Variants in NPIPB7 observed in about 807,000 individuals in gnomAD.
The protein encoded by NPIPB7 is nuclear pore complex-interacting protein family member B7.
For synonymous variants in NPIPB7, 9 were observed against 88.1 expected, an observed-to-expected ratio of 0.10 and a Z score of 5.03; for missense variants, 14 against 238.5, an observed-to-expected ratio of 0.06 and a Z score of 6.20.
At chr16:28,463,648 C>G (rs557173370) in intron 2 of NPIPB7, among the ~76,000 whole-genome samples, 1 of 120,532 alleles carries the variant, frequency 8.3e-6, no homozygotes, top group South Asian at 2.5e-4. Context: ...ATCACTTGAA[C>G]CCAGCAAGAA....
At chr16:28,468,801 T>C (rs2045921351) in intron 1 of NPIPB7, among the ~76,000 whole-genome samples, 2 of 78,082 alleles carry the variant, frequency 2.6e-5, no homozygotes, top group Admixed American at 1.6e-4. Context: ...AGTGAGACTC[T>C]GTCTCAAAAA....
At chr16:28,471,766 T>C (rs796804344), upstream of NPIPB7, among the ~76,000 whole-genome samples, 4 of 145,808 alleles carry the variant, frequency 2.7e-5, no homozygotes, top group East Asian at 2.0e-4. Context: ...CGAGTGATGA[T>C]GTCCTTATCT....
rs1467455241 is a variant in NPIPB7, at chr16:28,457,503, G to A, written c.643-477C>T. 2.4e-5 allele frequency among the ~76,000 whole-genome samples: 3 copies of A among 127,520 alleles called. No homozygotes were observed. In the Middle Eastern group the frequency reaches 0.012, roughly 498 times the overall value. 83.7% of individuals were successfully genotyped at this position (127,520 alleles called of 152,430 possible). A position where few individuals can be genotyped will look rare whatever the true frequency, so the allele number is the denominator to read the frequency against. Reference sequence around the variant, plus strand: ...CTTCTTTTTGGAGAATGTTTTCCAGGCCTTTCATGTTCTGTCTCTGACTCT... The same window carrying A: ...CTTCTTTTTGGAGAATGTTTTCCAGACCTTTCATGTTCTGTCTCTGACTCT... On this transcript the variant is annotated intron_variant, in intron 6 of 6. Transcript: ENST00000452313.
intron 4 of NPIPB7, among the ~76,000 whole-genome samples, chr16:28,462,205 A>C (rs2045875785): frequency 6.7e-6 from 1 of 149,860 alleles, no homozygotes; most frequent in African/African-American, 2.5e-5. Context: ...GGATTACCTG[A>C]GGTCAGAAGT....
upstream of NPIPB7, among the ~76,000 whole-genome samples, chr16:28,470,858 C>G (rs879596536): frequency 1.6e-5 from 2 of 121,414 alleles, no homozygotes; most frequent in Non-Finnish European, 3.5e-5. Context: ...GGCTTAGGAG[C>G]AATTAGAGGG....
chr16:28,469,321 G>GGGCACGGT (rs2045925267), intron 1 of NPIPB7, among the ~76,000 whole-genome samples: 1 of 91,076 alleles, frequency 1.1e-5, no homozygotes, highest in Non-Finnish European at 2.7e-5. Flanking sequence ...GATCTTGGCT[G>GGGCACGGT]GGCACGGTGG....
intron 4 of NPIPB7, among the ~76,000 whole-genome samples, chr16:28,462,222 C>A (rs1356666631): frequency 1.3e-5 from 2 of 148,878 alleles, no homozygotes; most frequent in African/African-American, 2.5e-5. Flanking sequence ...AAGTTCGAGA[C>A]CAGCCTGGAC....
At chr16:28,463,555 T>C (rs1302670577) in intron 2 of NPIPB7, among the ~76,000 whole-genome samples, 1 of 141,800 alleles carries the variant, frequency 7.1e-6, no homozygotes, top group Admixed American at 7.2e-5. Flanking sequence ...GGAGAAACGC[T>C]GTCTCTGCTA....
intron 2 of NPIPB7, among the ~76,000 whole-genome samples, chr16:28,464,426 G>C (rs1179320866): frequency 6.6e-6 from 1 of 152,200 alleles, no homozygotes; most frequent in Non-Finnish European, 1.5e-5. Flanking sequence ...TCTCATCATA[G>C]CGAAAATGCA....
chr16:28,465,570 T>C (rs1596612483), intron 2 of NPIPB7, among the ~76,000 whole-genome samples: 1 of 141,808 alleles, frequency 7.1e-6, no homozygotes, highest in East Asian at 2.1e-4. Context: ...GCATAGAGAA[T>C]GTTAAATGTG....
intron 2 of NPIPB7, among the ~76,000 whole-genome samples, chr16:28,463,389 T>TCACACA (rs57853696): frequency 0.048 from 2,202 of 45,560 alleles, 19 homozygotes; most frequent in Middle Eastern, 0.071. Context: ...AGACTCTGTC[T>TCACACA]CACACACACA....
At chr16:28,471,783 AT>A (rs1214035517), upstream of NPIPB7, among the ~76,000 whole-genome samples, 1 of 148,386 alleles carries the variant, frequency 6.7e-6, no homozygotes, top group Non-Finnish European at 1.5e-5. Flanking sequence ...ATCTATAATC[AT>A]CTTACTGCCT....
chr16:28,461,962 A>T (rs1403229707), intron 4 of NPIPB7, among the ~76,000 whole-genome samples: 1,584 of 143,588 alleles, frequency 0.011, no homozygotes, highest in African/African-American at 0.043. Flanking sequence ...AAAAAAAAAA[A>T]AAAAAAAATT....
chr16:28,468,488 A>G (rs2045918856), intron 1 of NPIPB7, among the ~76,000 whole-genome samples: 1 of 149,840 alleles, frequency 6.7e-6, no homozygotes, highest in South Asian at 2.1e-4. Context: ...TCATTCACAA[A>G]TAAGTATCAA....
Position 28,462,158 on chromosome 16 carries a change from G to A in NPIPB7, c.545+516C>T, listed in dbSNP as rs1472049471. On this transcript the variant is annotated intron_variant, in intron 4 of 6. Coordinates refer to ENST00000452313, the Ensembl canonical transcript of NPIPB7. ...AAAAAGGCTGGGTGTGGTGGCTCAC[G>A]CCTCTAATCCCAGCACTTTGGGAGG... 4.7e-3 allele frequency among the ~76,000 whole-genome samples: 695 copies of A among 149,236 alleles called. 19 individuals are homozygous for A. Among genetic ancestry groups the A allele is most frequent in the African/African-American group, 0.014 (559 of 39,388 alleles).
intron 2 of NPIPB7, among the ~76,000 whole-genome samples, chr16:28,463,908 G>A (rs1460650495): frequency 6.2e-5 from 4 of 64,458 alleles, no homozygotes; most frequent in Admixed American, 2.3e-4. Flanking sequence ...GGTGATGCAC[G>A]CCTGTAGTCC....
intron 1 of NPIPB7, among the ~76,000 whole-genome samples, chr16:28,468,962 A>G (rs1486181872): frequency 4.6e-4 from 56 of 120,736 alleles, no homozygotes; most frequent in Middle Eastern, 3.6e-3. Flanking sequence ...ACAGCTTGTG[A>G]TAACATTTCT....
chr16:28,472,275 G>T (rs1049310459), upstream of NPIPB7, among the ~76,000 whole-genome samples: 3 of 152,058 alleles, frequency 2.0e-5, no homozygotes, highest in Non-Finnish European at 4.4e-5. Context: ...AAGGTAGCTG[G>T]GTGTGGTGGC....
intron 2 of NPIPB7, among the ~76,000 whole-genome samples, chr16:28,463,762 T>C (rs1301232376): frequency 3.9e-5 from 5 of 127,374 alleles, no homozygotes; most frequent in South Asian, 5.8e-4. Context: ...ATAGCCCAGG[T>C]GCGGTAGCTC....
Sources: gnomAD v4.1 joint callset for allele counts (sites outside exome capture counted in the v4.1 genomes callset) on GRCh38, gnomAD v4.1.1 for gene constraint, MANE v1.5 for transcripts, NCBI Gene and HGNC (gene_info 2026-07-23, HGNC 2026-07-21) for gene names.